Variants in KCNIP4 observed in about 807,000 individuals in gnomAD.
KCNIP4 encodes potassium voltage-gated channel interacting protein 4, also known as Kv channel-interacting protein 4.
Under a neutral mutation model 34.0 loss-of-function variants are expected in KCNIP4, and 12 were observed. The observed-to-expected ratio is 0.35, with a 90% CI of 0.23 to 0.57. KCNIP4 has a LOEUF of 0.57. KCNIP4 is among the 20% of genes least tolerant of loss of function. The pLI is 0.83. For synonymous variants in KCNIP4, 124 were observed against 102.2 expected (o/e 1.21, Z -1.29); for missense variants, 238 against 311.7 (o/e 0.76, Z 1.78).
Position 21,455,827 on chromosome 4 carries a change from A to T in KCNIP4, c.61+492744T>A, listed in dbSNP as rs1176040384. ...GATATTCATATATATATATATATAT[A>T]TATATATATATATATATATATATAT... On this transcript the variant is annotated intron_variant, in intron 1 of 8. Transcript: ENST00000382152. Among the ~76,000 whole-genome samples, 25 of 104,548 alleles carry T rather than the reference A, an allele frequency of 2.4e-4. 1 individual carries two copies. The highest frequency in any genetic ancestry group is 5.3e-4 in the African/African-American group (10 of 18,740). The allele number at this position is 104,548 out of a possible 152,430, so 68.6% of individuals were successfully genotyped here.
chr4:21,734,568 A>G (rs894971917), intron 1 of KCNIP4, among the ~76,000 whole-genome samples: 1 of 152,202 alleles, frequency 6.6e-6, no homozygotes, highest in Non-Finnish European at 1.5e-5. Flanking sequence ...TTGAGTCACT[A>G]TGTTTTGACC....
rs569570181 is a variant in KCNIP4, at chr4:21,611,968, A to G, written c.61+336603T>C. Among the ~76,000 whole-genome samples, 314 of 152,264 alleles carry G rather than the reference A, an allele frequency of 2.1e-3. 1 individual carries two copies. The highest frequency in any genetic ancestry group is 7.1e-3 in the African/African-American group (297 of 41,552). On this transcript the variant is annotated intron_variant, in intron 1 of 8. Coordinates refer to ENST00000382152, the MANE Select transcript of KCNIP4 (RefSeq NM_025221.6). ...AAACTGCATGTTTTCCCTTTTCTCA[A>G]TGATTTAACTTTTTCTTAGTTACGA...
chr4:20,914,173 A>AG (rs558547983), intron 1 of KCNIP4, among the ~76,000 whole-genome samples: 2 of 152,006 alleles, frequency 1.3e-5, no homozygotes, highest in African/African-American at 2.4e-5. Context: ...GAAAAAAAAA[A>AG]GAAAAGAAAC....
intron 3 of KCNIP4, among the ~76,000 whole-genome samples, chr4:20,811,491 A>ATGTG (rs754289052): frequency 6.4e-4 from 95 of 147,620 alleles, no homozygotes; most frequent in Non-Finnish European, 1.0e-3. Flanking sequence ...GTGTGTGTGC[A>ATGTG]TGTGTGTGTG....
intron 1 of KCNIP4, among the ~76,000 whole-genome samples, chr4:21,887,876 A>C (rs1286338695): frequency 1.3e-5 from 2 of 152,174 alleles, no homozygotes; most frequent in African/African-American, 4.8e-5. Context: ...AAAGTCTTTG[A>C]AATTACTTTT....
chr4:21,665,920 A>G (rs985367962), intron 1 of KCNIP4, among the ~76,000 whole-genome samples: 21 of 152,146 alleles, frequency 1.4e-4, no homozygotes, highest in African/African-American at 5.1e-4. Context: ...ATTTTCAATT[A>G]TTGTGAACCC....
At chr4:21,539,981 A>C (rs2108995764) in intron 1 of KCNIP4, among the ~76,000 whole-genome samples, 1 of 131,492 alleles carries the variant, frequency 7.6e-6, no homozygotes, top group Middle Eastern at 3.7e-3. Flanking sequence ...CCTTCTCAAA[A>C]ACAAACAAAC....
chr4:20,920,701 T>C (rs1729311989), intron 1 of KCNIP4, among the ~76,000 whole-genome samples: 1 of 152,100 alleles, frequency 6.6e-6, no homozygotes. Flanking sequence ...TTAAAAAAGA[T>C]AAGCTTGGGG....
chr4:21,522,552 T>C (rs1339612548), intron 1 of KCNIP4, among the ~76,000 whole-genome samples: 1 of 151,964 alleles, frequency 6.6e-6, no homozygotes, highest in African/African-American at 2.4e-5. Context: ...TGACTAATCC[T>C]TTCTACCCAA....
In KCNIP4 at chr4:20,967,371, T is replaced by C. The variant is rs1577453276; in HGVS notation, c.62-84662A>G. Among the ~76,000 whole-genome samples the C allele has an allele frequency of 2.6e-5, 4 of 152,138 alleles. No homozygotes were observed. The South Asian group carries it at 8.3e-4, about 32-fold the overall frequency. On this transcript the variant is annotated intron_variant, in intron 1 of 8. Coordinates refer to ENST00000382152, the MANE Select transcript of KCNIP4 (RefSeq NM_025221.6). The stretch of plus-strand genomic sequence containing the variant: ...CATACTGCCCAAGGTAATTTGTAGA[T>C]TCAATGCAATCCCCATCAAGCTACC...
At chr4:21,076,127 C>A (rs568673316) in intron 1 of KCNIP4, among the ~76,000 whole-genome samples, 3 of 152,240 alleles carry the variant, frequency 2.0e-5, no homozygotes, top group African/African-American at 7.2e-5. Context: ...TGGAGTTGCT[C>A]TTCTCGAGGA....
At chr4:21,443,811 A>G (rs944628871) in intron 1 of KCNIP4, among the ~76,000 whole-genome samples, 1 of 152,072 alleles carries the variant, frequency 6.6e-6, no homozygotes, top group Non-Finnish European at 1.5e-5. Context: ...TTTGTGCCTG[A>G]AGGTCCAGCC....
At chr4:21,321,724 G>A (rs1488880031) in intron 1 of KCNIP4, among the ~76,000 whole-genome samples, 1 of 150,230 alleles carries the variant, frequency 6.7e-6, no homozygotes, top group Non-Finnish European at 1.5e-5. Context: ...GAAGGCAGGA[G>A]GGAGGCAGTG....
intron 1 of KCNIP4, among the ~76,000 whole-genome samples, chr4:21,522,435 T>G (rs567563054): frequency 1.3e-5 from 2 of 152,196 alleles, no homozygotes; most frequent in East Asian, 3.9e-4. Context: ...GGTGCACTCA[T>G]AGCTCACTGC....
chr4:21,209,532 C>T (rs571492256), intron 1 of KCNIP4, among the ~76,000 whole-genome samples: 1 of 152,072 alleles, frequency 6.6e-6, no homozygotes, highest in East Asian at 1.9e-4. Flanking sequence ...AATATGATGC[C>T]CTTCAGTTCC....
At chr4:21,228,966 C>T (rs895663420) in intron 1 of KCNIP4, among the ~76,000 whole-genome samples, 10 of 152,226 alleles carry the variant, frequency 6.6e-5, no homozygotes, top group African/African-American at 1.7e-4. Context: ...TGTCTGTGCA[C>T]GGTCACTCAA....
chr4:21,607,676 C>T (rs1019009296), intron 1 of KCNIP4, among the ~76,000 whole-genome samples: 2 of 151,960 alleles, frequency 1.3e-5, no homozygotes, highest in African/African-American at 4.8e-5. Flanking sequence ...GTAGCTCTGC[C>T]AGTTTTCTTA....
chr4:21,420,371 C>G (rs1196015174), intron 1 of KCNIP4, among the ~76,000 whole-genome samples: 4 of 152,170 alleles, frequency 2.6e-5, no homozygotes, highest in Admixed American at 2.0e-4. Context: ...GTAATAGCTG[C>G]CTACAGGGTT....
chr4:21,149,205 T>C (rs1752593067), intron 1 of KCNIP4, among the ~76,000 whole-genome samples: 1 of 152,184 alleles, frequency 6.6e-6, no homozygotes, highest in African/African-American at 2.4e-5. Flanking sequence ...GGATAAACAA[T>C]TTAGCAAAAC....
Sources: gnomAD v4.1 joint callset for allele counts (sites outside exome capture counted in the v4.1 genomes callset) on GRCh38, gnomAD v4.1.1 for gene constraint, MANE v1.5 for transcripts, NCBI Gene and HGNC (gene_info 2026-07-23, HGNC 2026-07-21) for gene names.